MTUS1: variants seen among roughly 807,000 people sequenced by gnomAD.
MTUS1 encodes the protein microtubule-associated tumor suppressor 1.
MTUS1 carries 109 observed loss-of-function variants against 120.8 expected under a neutral mutation model. The ratio of observed to expected loss-of-function variants is 0.90; its 90% CI spans 0.77 to 1.06. The LOEUF (loss-of-function observed/expected upper bound fraction) is 1.06, where lower values mean the gene tolerates loss of function less well. MTUS1 is among the 50% of genes least tolerant of loss of function. MTUS1 has a pLI of 0.00. For missense variants in MTUS1, 2,210 were observed against 1,486.3 expected (o/e 1.49, Z -8.01); for synonymous variants, 737 against 550.5 (o/e 1.34, Z -4.74).
intron 4 of MTUS1, chr8:17,721,616 G>T: frequency 7.2e-7 from 1 of 1,383,824 alleles, no homozygotes; most frequent in Non-Finnish European, 9.6e-7. Context: ...TAAATTACAA[G>T]TTACAAAAAC....
At chr8:17,800,715 G>C (rs550284628) in intron 1 of MTUS1, 1 of 152,286 alleles carries the variant, frequency 6.6e-6, no homozygotes, top group African/African-American at 2.4e-5. Flanking sequence ...CCGCTTTCTC[G>C]GCCCCGCTTG....
intron 1 of MTUS1, among the ~76,000 whole-genome samples, chr8:17,763,519 T>C (rs2049209700): frequency 6.6e-6 from 1 of 152,106 alleles, no homozygotes; most frequent in Non-Finnish European, 1.5e-5. Context: ...TGAAGTGACT[T>C]AGTGGATTTT....
At chr8:17,670,331 T>C (rs1010398500) in intron 8 of MTUS1, among the ~76,000 whole-genome samples, 5 of 152,086 alleles carry the variant, frequency 3.3e-5, no homozygotes, top group African/African-American at 1.2e-4. Flanking sequence ...GTTGTATAGG[T>C]AGTAGCGGAA....
intron 1 of MTUS1, among the ~76,000 whole-genome samples, chr8:17,778,150 T>C (rs1200088840): frequency 6.6e-6 from 1 of 152,214 alleles, no homozygotes; most frequent in Non-Finnish European, 1.5e-5. Flanking sequence ...TAGATTATTT[T>C]TTTTTAATTG....
At chr8:17,751,276 G>T (rs2048168030) in intron 2 of MTUS1, among the ~76,000 whole-genome samples, 1 of 151,502 alleles carries the variant, frequency 6.6e-6, no homozygotes. Flanking sequence ...TCCATCCTGG[G>T]TGAGAGAGGA....
intron 4 of MTUS1, chr8:17,722,714 T>A (rs748677842): frequency 2.2e-4 from 47 of 209,540 alleles, no homozygotes; most frequent in Non-Finnish European, 3.7e-4. Flanking sequence ...AGTGACAACA[T>A]CTCTGAGCCT....
chr8:17,766,831 A>G (rs528974058), intron 1 of MTUS1, among the ~76,000 whole-genome samples: 1 of 152,304 alleles, frequency 6.6e-6, no homozygotes, highest in East Asian at 1.9e-4. Flanking sequence ...TATAATCAGT[A>G]TATCTGAGAA....
chr8:17,683,401 G>T (rs537261511), intron 7 of MTUS1, among the ~76,000 whole-genome samples: 14 of 152,328 alleles, frequency 9.2e-5, no homozygotes, highest in African/African-American at 3.1e-4. Flanking sequence ...GCCTCTGTAT[G>T]AAACCAGGAC....
intron 8 of MTUS1, among the ~76,000 whole-genome samples, chr8:17,667,737 G>A (rs770160721): frequency 3.3e-5 from 5 of 152,198 alleles, no homozygotes; most frequent in Admixed American, 6.5e-5. Context: ...AAGATTGGTG[G>A]TCTAGCCATC....
chr8:17,729,767 A>T (rs2046437795), intron 3 of MTUS1, among the ~76,000 whole-genome samples: 1 of 152,086 alleles, frequency 6.6e-6, no homozygotes, highest in Admixed American at 6.6e-5. Flanking sequence ...CCAAAAAAAA[A>T]TTTAGAACAG....
chr8:17,679,408 G>A (rs906405103), intron 7 of MTUS1, among the ~76,000 whole-genome samples: 4 of 151,600 alleles, frequency 2.6e-5, no homozygotes, highest in African/African-American at 9.7e-5. Context: ...TTCTGTAATG[G>A]GAATGGGAAC....
At chr8:17,677,070 T>C (rs1813279909) in intron 7 of MTUS1, among the ~76,000 whole-genome samples, 1 of 152,200 alleles carries the variant, frequency 6.6e-6, no homozygotes, top group South Asian at 2.1e-4. Flanking sequence ...TCAATGGTAT[T>C]CTAAATGCTT....
chr8:17,766,385 C>A (rs955137681), intron 1 of MTUS1, among the ~76,000 whole-genome samples: 1 of 152,186 alleles, frequency 6.6e-6, no homozygotes, highest in Admixed American at 6.5e-5. Context: ...AAGTCTCCTT[C>A]CTCCATGAGA....
At chr8:17,750,868 G>A (rs750925235) in intron 2 of MTUS1, among the ~76,000 whole-genome samples, 13 of 152,100 alleles carry the variant, frequency 8.5e-5, no homozygotes, top group Non-Finnish European at 1.6e-4. Context: ...ATCTAGCCCC[G>A]TTTCAAATAA....
chr8:17,781,726 C>T (rs777436607), intron 1 of MTUS1, among the ~76,000 whole-genome samples: 1 of 152,200 alleles, frequency 6.6e-6, no homozygotes, highest in Non-Finnish European at 1.5e-5. Context: ...CTTTCCTGCT[C>T]GACGGCCTCC....
At chr8:17,650,003 G>A (rs1554564079) in intron 12 of MTUS1, 41 bp from the exon 13 acceptor site, 1 of 1,014,886 alleles carries the variant, frequency 9.9e-7, no homozygotes, top group South Asian at 1.3e-5. Context: ...ATTCCACATA[G>A]TTCAAATTCT....
intron 8 of MTUS1, among the ~76,000 whole-genome samples, chr8:17,668,941 C>G (rs1044784186): frequency 6.6e-6 from 1 of 152,176 alleles, no homozygotes; most frequent in Non-Finnish European, 1.5e-5. Flanking sequence ...ATAAAAAACA[C>G]TGAGTATTAG....
At chr8:17,685,043 G>A (rs1815473186) in intron 6 of MTUS1, among the ~76,000 whole-genome samples, 1 of 152,116 alleles carries the variant, frequency 6.6e-6, no homozygotes, top group African/African-American at 2.4e-5. Context: ...TTATACCGCA[G>A]ATGAGTCATT....
At chr8:17,748,337 T>C (rs2047926376) in intron 2 of MTUS1, 1 of 152,272 alleles carries the variant, frequency 6.6e-6, no homozygotes, top group Admixed American at 6.5e-5. Flanking sequence ...TGAGAGCCAC[T>C]TTCATTGCTA....
Sources: gnomAD v4.1 joint callset for allele counts (sites outside exome capture counted in the v4.1 genomes callset) on GRCh38, gnomAD v4.1.1 for gene constraint, MANE v1.5 for transcripts, NCBI Gene and HGNC (gene_info 2026-07-23, HGNC 2026-07-21) for gene names.